ANKFN1: variants seen among roughly 807,000 people sequenced by gnomAD.
ANKFN1 encodes ankyrin repeat and fibronectin type-III domain-containing protein 1.
Under a neutral mutation model 108.7 loss-of-function variants are expected in ANKFN1, and 74 were observed. That is an observed-to-expected ratio of 0.68 (90% CI 0.56 to 0.83). The LOEUF is 0.83. Among genes scored for constraint, ANKFN1 ranks in the 40% least tolerant of loss-of-function variants. The probability of loss-of-function intolerance (pLI) is 0.00; values close to 1 mark genes in which losing one functional copy is unlikely to be tolerated. For synonymous variants in ANKFN1, 547 were observed against 516.2 expected (o/e 1.06, Z -0.81); for missense variants, 1,505 against 1,382.3 (o/e 1.09, Z -1.41).
chr17:56,308,931 G>T (rs1460504864), intron 3 of ANKFN1, among the ~76,000 whole-genome samples: 2 of 151,930 alleles, frequency 1.3e-5, no homozygotes, highest in Non-Finnish European at 2.9e-5. Flanking sequence ...CTTTGTCCTG[G>T]TATATAATTA....
chr17:56,487,621 G>A (rs1246186850), intron 18 of ANKFN1, among the ~76,000 whole-genome samples: 1 of 152,036 alleles, frequency 6.6e-6, no homozygotes, highest in Admixed American at 6.6e-5. Context: ...TACTGTGCTG[G>A]GACTGAACCA....
chr17:56,074,117 G>T (rs1288979427), intron 4 of ANKFN1, among the ~76,000 whole-genome samples: 1 of 152,190 alleles, frequency 6.6e-6, no homozygotes, highest in African/African-American at 2.4e-5. Context: ...GAAATCACTT[G>T]CTCAATTTGG....
intron 4 of ANKFN1, among the ~76,000 whole-genome samples, chr17:56,112,392 G>A (rs964453930): frequency 1.3e-5 from 2 of 151,934 alleles, no homozygotes; most frequent in African/African-American, 4.8e-5. Flanking sequence ...ATTTTATCCA[G>A]ACTCTGGTCT....
At chr17:56,081,578 C>A (rs1049425621) in intron 4 of ANKFN1, among the ~76,000 whole-genome samples, 10 of 152,160 alleles carry the variant, frequency 6.6e-5, no homozygotes, top group Non-Finnish European at 1.2e-4. Flanking sequence ...ATCTTGAACT[C>A]CTGACCTCAG....
chr17:56,472,096 A>G (rs993090747), intron 15 of ANKFN1: 1 of 152,264 alleles, frequency 6.6e-6, no homozygotes, highest in African/African-American at 2.4e-5. Flanking sequence ...AAGAGACTAC[A>G]TTAATCTTGT....
chr17:56,062,412 C>G (rs899445836), intron 4 of ANKFN1, among the ~76,000 whole-genome samples: 2 of 152,134 alleles, frequency 1.3e-5, no homozygotes, highest in African/African-American at 4.8e-5. Context: ...ACTCTGGGTG[C>G]TCCTGTATTA....
intron 2 of ANKFN1, among the ~76,000 whole-genome samples, chr17:56,223,782 G>A (rs1404365700): frequency 6.6e-6 from 1 of 152,134 alleles, no homozygotes; most frequent in Non-Finnish European, 1.5e-5. Flanking sequence ...CCAATGGATG[G>A]TACCGTTCTT....
intron 15 of ANKFN1, among the ~76,000 whole-genome samples, chr17:56,467,606 G>A (rs1598661940): frequency 2.0e-5 from 3 of 150,868 alleles, no homozygotes; most frequent in Non-Finnish European, 3.0e-5. Context: ...GAACCAGGGA[G>A]GTGGAGGTTG....
intron 1 of ANKFN1, among the ~76,000 whole-genome samples, chr17:56,166,671 C>T (rs978594543): frequency 7.9e-5 from 12 of 152,148 alleles, no homozygotes; most frequent in Admixed American, 7.9e-4. Flanking sequence ...AGTTTTCAGT[C>T]AAAATCTGAC....
At chr17:56,129,572 A>G (rs1295024443) in intron 4 of ANKFN1, among the ~76,000 whole-genome samples, 1 of 152,220 alleles carries the variant, frequency 6.6e-6, no homozygotes, top group Non-Finnish European at 1.5e-5. Context: ...AATGAAACAT[A>G]AGGTTACTTT....
intron 4 of ANKFN1, among the ~76,000 whole-genome samples, chr17:56,330,908 C>T (rs1380648089): frequency 6.6e-6 from 1 of 152,112 alleles, no homozygotes; most frequent in East Asian, 1.9e-4. Context: ...GCTGACTTTT[C>T]AAAACTTATC....
At chr17:56,227,850 T>A in intron 2 of ANKFN1, 67 bp from the exon 3 acceptor site, 1 of 1,294,198 alleles carries the variant, frequency 7.7e-7, no homozygotes, top group Non-Finnish European at 1.1e-6. Context: ...CAAACGTGAC[T>A]CCTTTTTCAT....
intron 1 of ANKFN1, among the ~76,000 whole-genome samples, chr17:56,171,952 A>G (rs1016037060): frequency 6.6e-6 from 1 of 152,192 alleles, no homozygotes; most frequent in Admixed American, 6.5e-5. Context: ...AAGATCTTCT[A>G]GAACTTAATC....
intron 4 of ANKFN1, among the ~76,000 whole-genome samples, chr17:56,076,658 G>A (rs1905185480): frequency 6.6e-6 from 1 of 152,124 alleles, no homozygotes; most frequent in Non-Finnish European, 1.5e-5. Flanking sequence ...TCTGTGGAAT[G>A]GGATTGATAA....
chr17:56,230,857 C>T (rs1320382226), intron 3 of ANKFN1, among the ~76,000 whole-genome samples: 1 of 152,080 alleles, frequency 6.6e-6, no homozygotes, highest in African/African-American at 2.4e-5. Context: ...TCACAGACAA[C>T]ACCCTGGCTC....
intron 8 of ANKFN1, among the ~76,000 whole-genome samples, chr17:56,377,861 T>G (rs1205021858): frequency 6.6e-6 from 1 of 152,148 alleles, no homozygotes; most frequent in East Asian, 1.9e-4. Context: ...GTTTTTTTTC[T>G]TAATTGGGCC....
At chr17:56,065,855 G>T (rs974673987) in intron 4 of ANKFN1, among the ~76,000 whole-genome samples, 12 of 152,176 alleles carry the variant, frequency 7.9e-5, no homozygotes, top group Non-Finnish European at 1.5e-4. Flanking sequence ...CTAAAATGTG[G>T]CACAGAGACA....
chr17:56,097,257 A>T (rs977122352), intron 4 of ANKFN1, among the ~76,000 whole-genome samples: 2 of 148,938 alleles, frequency 1.3e-5, no homozygotes, highest in African/African-American at 2.4e-5. Context: ...AAGGGACAAT[A>T]TAGGCAATAA....
Position 56,096,365 on chromosome 17 carries a change from C to T in ANKFN1, c.288+50040C>T, listed in dbSNP as rs182324161. Among the ~76,000 whole-genome samples the T allele has an allele frequency of 1.4e-4, 22 of 152,290 alleles. 1 individual carries two copies. In the Middle Eastern group the frequency reaches 0.01, roughly 71 times the overall value. ...TCAGTATCTTCTGCCTGCCTCTGCCCACCCCAAATAGTCCTAGAGATGAAA... is the reference window on the plus strand; with the variant it reads ...TCAGTATCTTCTGCCTGCCTCTGCCTACCCCAAATAGTCCTAGAGATGAAA... On this transcript the variant is annotated intron_variant, in intron 4 of 12. Coordinates refer to the ANKFN1 transcript ENST00000635860.
Sources: gnomAD v4.1 joint callset for allele counts (sites outside exome capture counted in the v4.1 genomes callset) on GRCh38, gnomAD v4.1.1 for gene constraint, MANE v1.5 for transcripts, NCBI Gene and HGNC (gene_info 2026-07-23, HGNC 2026-07-21) for gene names.